PDS5B: variants seen among roughly 807,000 people sequenced by gnomAD.
PDS5B encodes the protein sister chromatid cohesion protein PDS5 homolog B.
Under a neutral mutation model 184.1 loss-of-function variants are expected in PDS5B, and 51 were observed. That is an observed-to-expected ratio of 0.28 (90% CI 0.22 to 0.35). The LOEUF is 0.35. Among genes scored for constraint, PDS5B ranks in the 10% least tolerant of loss-of-function variants. PDS5B has a pLI of 1.00. For synonymous variants in PDS5B, 566 were observed against 569.2 expected (o/e 0.99, Z 0.08); for missense variants, 1,180 against 1,723.3 (o/e 0.68, Z 5.58).
intron 14 of PDS5B, among the ~76,000 whole-genome samples, chr13:32,695,860 TTCTACA>T (rs1356010995): frequency 6.6e-6 from 1 of 152,072 alleles, no homozygotes; most frequent in African/African-American, 2.4e-5. Context: ...TTTAGTTCTT[TTCTACA>T]GTGTGGAATT....
At chr13:32,605,271 C>T (rs2058041922) in intron 1 of PDS5B, among the ~76,000 whole-genome samples, 1 of 152,134 alleles carries the variant, frequency 6.6e-6, no homozygotes, top group Non-Finnish European at 1.5e-5. Context: ...TATGTTGTGT[C>T]TTTGTTCTCA....
chr13:32,664,995 A>C (rs1012074945), intron 6 of PDS5B, among the ~76,000 whole-genome samples: 2 of 152,228 alleles, frequency 1.3e-5, no homozygotes, highest in African/African-American at 2.4e-5. Context: ...ACAGGGACCT[A>C]ATCTTGACAT....
chr13:32,624,504 T>C (rs553035198), intron 1 of PDS5B, among the ~76,000 whole-genome samples: 1 of 152,334 alleles, frequency 6.6e-6, no homozygotes, highest in African/African-American at 2.4e-5. Context: ...CAGCCTCTTG[T>C]TGCTTGCTGA....
chr13:32,742,805 T>C, intron 23 of PDS5B, 78 bp downstream of exon 23: 2 of 1,282,866 alleles, frequency 1.6e-6, no homozygotes, highest in South Asian at 2.6e-5. Flanking sequence ...TGGTGCTGTT[T>C]CTTTTTCTTT....
chr13:32,673,450 T>C (rs761492578), intron 8 of PDS5B, 94 bp downstream of exon 8: 123 of 1,006,908 alleles, frequency 1.2e-4, no homozygotes, highest in Non-Finnish European at 1.3e-4. Context: ...TTTAACTGAA[T>C]GTAAGAGATG....
intron 1 of PDS5B, among the ~76,000 whole-genome samples, chr13:32,627,186 T>C (rs2058383436): frequency 6.6e-6 from 1 of 152,218 alleles, no homozygotes; most frequent in South Asian, 2.1e-4. Context: ...GAACTTAAAA[T>C]ATCCCTCAGT....
intron 6 of PDS5B, among the ~76,000 whole-genome samples, chr13:32,660,787 A>T (rs1950621826): frequency 1.3e-5 from 2 of 152,212 alleles, no homozygotes; most frequent in African/African-American, 4.8e-5. Flanking sequence ...CTAGAATCAT[A>T]GGATCTTCCA....
At chr13:32,769,971 A>G (rs1288648015) in intron 31 of PDS5B, 150 bp from the exon 32 acceptor site, 2 of 557,808 alleles carry the variant, frequency 3.6e-6, no homozygotes, top group Non-Finnish European at 5.9e-6. Flanking sequence ...TAATAAAAGC[A>G]AATAAATACA....
At chr13:32,677,125 A>G (rs1363714857) in intron 9 of PDS5B, among the ~76,000 whole-genome samples, 1 of 152,076 alleles carries the variant, frequency 6.6e-6, no homozygotes, top group African/African-American at 2.4e-5. Flanking sequence ...GTGTTTGTTA[A>G]GCTTCAGATC....
At chr13:32,738,403 A>G (rs1007753370) in intron 21 of PDS5B, among the ~76,000 whole-genome samples, 2 of 152,224 alleles carry the variant, frequency 1.3e-5, no homozygotes, top group African/African-American at 2.4e-5. Context: ...ATCTCATTAT[A>G]GCTCATTATA....
chr13:32,722,051 C>T (rs1410762496), intron 19 of PDS5B, among the ~76,000 whole-genome samples: 2 of 152,344 alleles, frequency 1.3e-5, no homozygotes, highest in Non-Finnish European at 2.9e-5. Context: ...CGCCACTGCA[C>T]TCCAGCCTGG....
chr13:32,708,610 A>G (rs1271304570), intron 18 of PDS5B, among the ~76,000 whole-genome samples: 2 of 152,202 alleles, frequency 1.3e-5, no homozygotes, highest in African/African-American at 4.8e-5. Context: ...CGTCTTTTTA[A>G]CCTTCAAAAT....
At chr13:32,592,343 C>G (rs1261496494) in intron 1 of PDS5B, among the ~76,000 whole-genome samples, 2 of 150,426 alleles carry the variant, frequency 1.3e-5, no homozygotes, top group Non-Finnish European at 3.0e-5. Context: ...CAGCCTCGGC[C>G]TTGGCAGGTT....
At chr13:32,669,051 C>A (rs1008227844) in intron 7 of PDS5B, among the ~76,000 whole-genome samples, 1 of 152,270 alleles carries the variant, frequency 6.6e-6, no homozygotes, top group Non-Finnish European at 1.5e-5. Context: ...CTGGTTTCTG[C>A]AGTTTTGTAA....
At chr13:32,620,663 A>G (rs566967009) in intron 1 of PDS5B, among the ~76,000 whole-genome samples, 40 of 149,354 alleles carry the variant, frequency 2.7e-4, no homozygotes, top group African/African-American at 7.5e-4. Flanking sequence ...TCTCAAAAAA[A>G]AAAAAAAAAA....
At chr13:32,670,131 CT>C (rs35481284) in intron 7 of PDS5B, among the ~76,000 whole-genome samples, 56,890 of 147,742 alleles carry the variant, frequency 0.39, 11,124 homozygotes, top group Non-Finnish European at 0.45. Flanking sequence ...CAGACACATT[CT>C]TTTTTTTTTT....
intron 24 of PDS5B, among the ~76,000 whole-genome samples, chr13:32,746,676 C>T (rs1353622245): frequency 6.6e-6 from 1 of 152,140 alleles, no homozygotes; most frequent in African/African-American, 2.4e-5. Flanking sequence ...ACAAAAACAT[C>T]AACCACAAAA....
intron 19 of PDS5B, among the ~76,000 whole-genome samples, chr13:32,716,720 T>C (rs71423120): frequency 0.99 from 98,556 of 99,336 alleles, 48,929 homozygotes; most frequent in Non-Finnish European, 0.99. Flanking sequence ...TGAGGGGCGC[T>C]TTTGCCCAGC....
At chr13:32,604,218 T>C (rs1351526164) in intron 1 of PDS5B, among the ~76,000 whole-genome samples, 1 of 152,226 alleles carries the variant, frequency 6.6e-6, no homozygotes, top group African/African-American at 2.4e-5. Flanking sequence ...GGGTTTGTCA[T>C]AAATAGCTCT....
Sources: gnomAD v4.1 joint callset for allele counts (sites outside exome capture counted in the v4.1 genomes callset) on GRCh38, gnomAD v4.1.1 for gene constraint, MANE v1.5 for transcripts, NCBI Gene and HGNC (gene_info 2026-07-23, HGNC 2026-07-21) for gene names.